USP32: variants seen among roughly 807,000 people sequenced by gnomAD.
USP32 encodes the protein ubiquitin carboxyl-terminal hydrolase 32.
A neutral mutation model predicts 204.8 loss-of-function variants in USP32; 59 were observed. The observed-to-expected ratio is 0.29, with a 90% CI of 0.23 to 0.36. The LOEUF (loss-of-function observed/expected upper bound fraction) is 0.36, where lower values mean the gene tolerates loss of function less well. Among genes scored for constraint, USP32 ranks in the 10% least tolerant of loss-of-function variants. The pLI, the probability that USP32 is intolerant of heterozygous loss-of-function variation, is 1.00. For synonymous variants in USP32, 517 were observed against 678.4 expected (o/e 0.76, Z 3.70); for missense variants, 1,160 against 1,946.4 (o/e 0.60, Z 7.60).
intron 11 of USP32, among the ~76,000 whole-genome samples, chr17:60,247,511 A>G (rs1185737281): frequency 1.3e-5 from 2 of 152,046 alleles, no homozygotes; most frequent in Admixed American, 1.3e-4. Context: ...ATTTTAGTGT[A>G]TGGTAAGAAA....
chr17:60,203,396 CAAAAAAAAAAAA>C (rs554691150), intron 26 of USP32, among the ~76,000 whole-genome samples: 11 of 24,402 alleles, frequency 4.5e-4, no homozygotes, highest in East Asian at 2.5e-3. Flanking sequence ...GCGAGACTGT[CAAAAAAAAAAAA>C]AAAAAAAAAA....
chr17:60,337,873 C>T (rs1039496471), intron 2 of USP32, among the ~76,000 whole-genome samples: 2 of 149,988 alleles, frequency 1.3e-5, no homozygotes, highest in Non-Finnish European at 3.0e-5. Flanking sequence ...AGAAATGAGA[C>T]GGTCTCAAGA....
chr17:60,227,926 A>G (rs1418523935), intron 12 of USP32, among the ~76,000 whole-genome samples: 1 of 152,146 alleles, frequency 6.6e-6, no homozygotes. Flanking sequence ...AAAAATGGTG[A>G]CCATAGTTTA....
intron 2 of USP32, among the ~76,000 whole-genome samples, chr17:60,310,392 T>C (rs750973228): frequency 1.3e-4 from 20 of 152,134 alleles, no homozygotes; most frequent in Admixed American, 3.9e-4. Flanking sequence ...ATACACACAA[T>C]GGAACATTAT....
intron 2 of USP32, among the ~76,000 whole-genome samples, chr17:60,321,818 G>A (rs2088119008): frequency 6.6e-6 from 1 of 151,204 alleles, no homozygotes; most frequent in South Asian, 2.1e-4. Context: ...TCGTTGTGAT[G>A]GTCAACTCTA....
At chr17:60,292,047 T>A (rs1246378102) in intron 4 of USP32, among the ~76,000 whole-genome samples, 1 of 151,888 alleles carries the variant, frequency 6.6e-6, no homozygotes, top group Non-Finnish European at 1.5e-5. Flanking sequence ...ATCACCAAAT[T>A]TAATGATCAC....
At chr17:60,207,676 T>C (rs1280616370) in intron 24 of USP32, 1 of 164,374 alleles carries the variant, frequency 6.1e-6, no homozygotes, top group Non-Finnish European at 1.3e-5. Context: ...CATAAATACA[T>C]AAAATACTTT....
At position 60,349,274 on chromosome 17, in the gene USP32, T is replaced by C. The variant is rs570062895; in HGVS notation, c.59-3666A>G. Reference sequence around the variant, plus strand: ...TTATTTGAAGAACTACTTGGTAATATGTTTTTTAAAAATATAATCTGGTGG... The same window carrying C: ...TTATTTGAAGAACTACTTGGTAATACGTTTTTTAAAAATATAATCTGGTGG... On this transcript the variant is annotated intron_variant, in intron 1 of 33. Coordinates refer to ENST00000300896, the MANE Select transcript of USP32 (RefSeq NM_032582.4). Among the ~76,000 whole-genome samples, 19 of 151,178 alleles carry C rather than the reference T, an allele frequency of 1.3e-4. No homozygotes were observed. In the East Asian group the frequency reaches 2.5e-3, roughly 20 times the overall value.
intron 1 of USP32, among the ~76,000 whole-genome samples, chr17:60,350,051 T>TCAC (rs960737036): frequency 1.3e-5 from 2 of 151,850 alleles, no homozygotes; most frequent in Non-Finnish European, 1.5e-5. Flanking sequence ...TCTCACTCTG[T>TCAC]CACCCAGGCT....
At chr17:60,346,958 T>C (rs2146008782) in intron 1 of USP32, among the ~76,000 whole-genome samples, 1 of 152,208 alleles carries the variant, frequency 6.6e-6, no homozygotes, top group East Asian at 1.9e-4. Flanking sequence ...TGTCCTGTCA[T>C]AAGGAAGGGA....
chr17:60,392,818 G>C (rs2089864611), upstream of USP32, among the ~76,000 whole-genome samples: 1 of 152,084 alleles, frequency 6.6e-6, no homozygotes. Flanking sequence ...CATCTCGCCT[G>C]CCCGGCCCAC....
At chr17:60,332,254 A>C (rs112103106) in intron 2 of USP32, among the ~76,000 whole-genome samples, 1 of 152,076 alleles carries the variant, frequency 6.6e-6, no homozygotes, top group East Asian at 1.9e-4. Flanking sequence ...TGCTGTCTCA[A>C]GAAAGAAAAA....
chr17:60,295,037 G>A (rs1158959868), intron 3 of USP32, among the ~76,000 whole-genome samples: 2 of 152,112 alleles, frequency 1.3e-5, no homozygotes, highest in Non-Finnish European at 2.9e-5. Flanking sequence ...CAAAGTGTTA[G>A]CAAAGACTAG....
intron 12 of USP32, among the ~76,000 whole-genome samples, chr17:60,235,737 G>A (rs937317714): frequency 6.6e-6 from 1 of 152,154 alleles, no homozygotes; most frequent in African/African-American, 2.4e-5. Flanking sequence ...TCAGTCCTTC[G>A]GTTTGATCCC....
intron 11 of USP32, among the ~76,000 whole-genome samples, chr17:60,237,455 T>C (rs1041616787): frequency 2.6e-5 from 4 of 152,112 alleles, no homozygotes; most frequent in Admixed American, 2.6e-4. Flanking sequence ...TGGCATAATA[T>C]GAAATTATTT....
In USP32 at chr17:60,342,951, A is replaced by G. The variant is rs557726346; in HGVS notation, c.186+2530T>C. Among the ~76,000 whole-genome samples the G allele has an allele frequency of 3.3e-5, 5 of 152,310 alleles. No individual in the cohort carries two copies. In the South Asian group the frequency reaches 6.2e-4, roughly 19 times the overall value. On this transcript the variant is annotated intron_variant, in intron 2 of 33. Transcript: ENST00000300896. ...TGCACCCATTGTCCAACCAGTCCCA[A>G]TGAGATGAACCAGGTACCTCAGTTG...
chr17:60,373,135 G>A (rs1003184511), intron 1 of USP32, among the ~76,000 whole-genome samples: 1 of 152,162 alleles, frequency 6.6e-6, no homozygotes, highest in African/African-American at 2.4e-5. Context: ...CGAGGCTACA[G>A]TAAGCCATGA....
At chr17:60,268,986 C>CA (rs774051615) in intron 7 of USP32, among the ~76,000 whole-genome samples, 1 of 152,136 alleles carries the variant, frequency 6.6e-6, no homozygotes, top group Non-Finnish European at 1.5e-5. Flanking sequence ...TATGCTACAA[C>CA]ATTTTAGTTA....
chr17:60,411,861 C>T (rs901678458), intron 1 of USP32, among the ~76,000 whole-genome samples: 2 of 152,024 alleles, frequency 1.3e-5, no homozygotes, highest in Non-Finnish European at 2.9e-5. Context: ...CATGCATATA[C>T]CACATTTTTT....
Sources: gnomAD v4.1 joint callset for allele counts (sites outside exome capture counted in the v4.1 genomes callset) on GRCh38, gnomAD v4.1.1 for gene constraint, MANE v1.5 for transcripts, NCBI Gene and HGNC (gene_info 2026-07-23, HGNC 2026-07-21) for gene names.